ZNF516: variants seen among roughly 807,000 people sequenced by gnomAD.
ZNF516 encodes zinc finger protein 516.
ZNF516 carries 19 observed loss-of-function variants against 79.7 expected under a neutral mutation model. The ratio of observed to expected loss-of-function variants is 0.24; its 90% confidence interval spans 0.17 to 0.35. The LOEUF (loss-of-function observed/expected upper bound fraction) is 0.35, where lower values mean the gene tolerates loss of function less well. Ranked by LOEUF, ZNF516 falls within the 10% of genes least tolerant of loss-of-function variation. ZNF516 has a pLI of 1.00. For synonymous variants in ZNF516, 877 were observed against 739.5 expected, an observed-to-expected ratio of 1.19 and a Z score of -3.02; for missense variants, 1,678 against 1,679.5, an observed-to-expected ratio of 1.00 and a Z score of 0.02.
intron 1 of ZNF516, chr18:76,490,743 G>C (rs927349392): frequency 4.1e-6 from 4 of 984,542 alleles, no homozygotes; most frequent in Admixed American, 6.1e-5. Context: ...TGCTGTATGT[G>C]TAAGTAGGAT....
intron 3 of ZNF516, among the ~76,000 whole-genome samples, chr18:76,415,281 G>A (rs1406191274): frequency 6.6e-6 from 1 of 152,256 alleles, no homozygotes; most frequent in Non-Finnish European, 1.5e-5. Context: ...GCTCTTAACA[G>A]AACAGAACTG....
chr18:76,435,107 C>G (rs749574429), intron 3 of ZNF516, among the ~76,000 whole-genome samples: 1 of 152,170 alleles, frequency 6.6e-6, no homozygotes, highest in Non-Finnish European at 1.5e-5. Context: ...CCTCCCACCT[C>G]GAAAATTCTA....
At chr18:76,422,415 G>C (rs559778285) in intron 3 of ZNF516, among the ~76,000 whole-genome samples, 30 of 152,346 alleles carry the variant, frequency 2.0e-4, no homozygotes, top group African/African-American at 7.2e-4. Flanking sequence ...GCAAACACGT[G>C]ACTGCCCTAA....
intron 3 of ZNF516, among the ~76,000 whole-genome samples, chr18:76,420,735 C>CTA (rs975951818): frequency 1.6e-4 from 24 of 151,954 alleles, no homozygotes; most frequent in Admixed American, 1.3e-3. Flanking sequence ...GTGTCATATT[C>CTA]TATATATATA....
intron 3 of ZNF516, 119 bp from the exon 4 acceptor site, chr18:76,380,422 C>G: frequency 7.5e-7 from 1 of 1,339,432 alleles, no homozygotes; most frequent in Non-Finnish European, 1.0e-6. Flanking sequence ...GAGAAGCCAC[C>G]CTTGAGTCTG....
At chr18:76,415,174 G>A (rs761347129) in intron 3 of ZNF516, among the ~76,000 whole-genome samples, 14 of 152,072 alleles carry the variant, frequency 9.2e-5, no homozygotes, top group Non-Finnish European at 1.8e-4. Flanking sequence ...CTCCAGCAGC[G>A]TGGGCAACAG....
chr18:76,463,389 C>G (rs1297727648), intron 1 of ZNF516, among the ~76,000 whole-genome samples: 1 of 152,234 alleles, frequency 6.6e-6, no homozygotes, highest in African/African-American at 2.4e-5. Context: ...AGTCACAGCA[C>G]AAACGCAGCA....
chr18:76,378,721 C>T (rs2074830989), intron 4 of ZNF516, 134 bp downstream of exon 4: 3 of 1,328,432 alleles, frequency 2.3e-6, no homozygotes, highest in Admixed American at 2.7e-5. Flanking sequence ...CAGCTCTCAG[C>T]TCAGCAGTGG....
rs971982522 is a variant in ZNF516, at chr18:76,357,785, C to T, written c.*4713G>A. On this transcript the variant is annotated 3_prime_UTR_variant, in exon 7 of 7. Coordinates refer to ENST00000443185, the MANE Select transcript of ZNF516 (RefSeq NM_014643.4). Reference sequence around the variant, plus strand: ...CACAGTGCCAGCCCTTGTGTCCCCACATTTTTGACACAATAATTTCCTCCA... The same window carrying T: ...CACAGTGCCAGCCCTTGTGTCCCCATATTTTTGACACAATAATTTCCTCCA... 6.6e-6 allele frequency among the ~76,000 whole-genome samples: 1 copy of T among 152,322 alleles called. No homozygotes were observed.
intron 1 of ZNF516, among the ~76,000 whole-genome samples, chr18:76,470,025 T>C (rs1388173273): frequency 6.6e-6 from 1 of 152,210 alleles, no homozygotes; most frequent in African/African-American, 2.4e-5. Flanking sequence ...CTGCATGAAA[T>C]ATGTTCATCT....
In ZNF516 at chr18:76,361,298, T is replaced by G. The variant is rs1225517384; in HGVS notation, c.*1200A>C. 6.6e-6 allele frequency: 1 copy of G among 152,254 alleles called. No homozygotes were observed. Among genetic ancestry groups the G allele is most frequent in the Non-Finnish European group, 1.5e-5 (1 of 68,036 alleles). 9.4% of individuals were successfully genotyped at this position (152,254 alleles called of 1,614,324 possible). On this transcript the variant is annotated 3_prime_UTR_variant, in exon 7 of 7. Coordinates refer to ENST00000443185, the MANE Select transcript of ZNF516 (RefSeq NM_014643.4). ...GGAATACCATTTCAATTGCGTACAC[T>G]GCATGGTTTAAGATCCTTTGTTATG...
Position 76,371,532 on chromosome 18 carries a change from C to T in ZNF516, c.3299G>A (p.Cys1100Tyr), listed in dbSNP as rs1219170106. Residue 1100 changes from cysteine to tyrosine, a missense_variant, in exon 5 of 7, where the codon TGC becomes TAC. Cys to Tyr is a radical substitution (Grantham distance 194). Coordinates refer to ENST00000443185, the MANE Select transcript of ZNF516 (RefSeq NM_014643.4). ...RTQARPGEFVCIECGKSFHQP... is the reference protein window; with the variant it reads ...RTQARPGEFVYIECGKSFHQP... ...GTGGAAGCTCTTTCCGCACTCGATG[C>T]AGACGAACTCTCCTGGCCGGGCCTG... The T allele has an allele frequency of 6.2e-7, 1 of 1,610,962 alleles. No individual in the cohort carries two copies.
At chr18:76,445,149 C>T (rs182116224) in intron 2 of ZNF516, among the ~76,000 whole-genome samples, 4 of 151,760 alleles carry the variant, frequency 2.6e-5, no homozygotes, top group African/African-American at 7.3e-5. Flanking sequence ...CCCACCTACT[C>T]GGGAGGCTGA....
At chr18:76,483,257 A>G (rs11150955) in intron 1 of ZNF516, among the ~76,000 whole-genome samples, 16,016 of 152,164 alleles carry the variant, frequency 0.11, 982 homozygotes, top group Middle Eastern at 0.2. Context: ...GGGCAGACAC[A>G]GCTCAAGCCA....
At chr18:76,388,472 G>A (rs915748591) in intron 3 of ZNF516, 3 of 152,204 alleles carry the variant, frequency 2.0e-5, no homozygotes, top group Non-Finnish European at 2.9e-5. Flanking sequence ...CAAGTCCCGC[G>A]AGGGGTCAGG....
intron 3 of ZNF516, among the ~76,000 whole-genome samples, chr18:76,409,141 G>C (rs932373641): frequency 6.6e-6 from 1 of 151,176 alleles, no homozygotes; most frequent in Non-Finnish European, 1.5e-5. Flanking sequence ...AGCTAAAGTG[G>C]AAGAGCAGCA....
chr18:76,386,606 T>C (rs983623711), intron 3 of ZNF516: 1 of 152,166 alleles, frequency 6.6e-6, no homozygotes, highest in East Asian at 1.9e-4. Context: ...GCCTCAGGAA[T>C]AAAACTTCTC....
intron 3 of ZNF516, among the ~76,000 whole-genome samples, chr18:76,434,909 A>G (rs2075709749): frequency 6.6e-6 from 1 of 152,230 alleles, no homozygotes; most frequent in African/African-American, 2.4e-5. Context: ...CTAATACCAC[A>G]CTGTGACTTG....
intron 1 of ZNF516, among the ~76,000 whole-genome samples, chr18:76,485,107 A>G (rs540169532): frequency 6.6e-6 from 1 of 152,332 alleles, no homozygotes; most frequent in South Asian, 2.1e-4. Context: ...CTCATTTTAA[A>G]AAGTAAAAAG....
Sources: allele counts gnomAD v4.1 joint callset (sites outside exome capture counted in the v4.1 genomes callset), GRCh38; gene constraint gnomAD v4.1.1; transcripts MANE v1.5; gene names NCBI Gene and HGNC (gene_info 2026-07-23, HGNC 2026-07-21).